The following WWP1 variants were observed in gnomAD, a reference collection of about 807,000 sequenced individuals.
WWP1 encodes WW domain containing E3 ubiquitin protein ligase 1.
In WWP1, 49 loss-of-function variants were observed where a neutral mutation model predicts 130.6. That is an observed-to-expected ratio of 0.38 (90% CI 0.30 to 0.48). The LOEUF is 0.48. Ranked by LOEUF, WWP1 falls within the 20% of genes least tolerant of loss-of-function variation. The pLI is 0.99. For missense variants in WWP1, 809 were observed against 1,100.6 expected (o/e 0.74, Z 3.75); for synonymous variants, 332 against 367.8 (o/e 0.90, Z 1.11).
At chr8:86,390,936 A>G (rs535620532) in intron 5 of WWP1, among the ~76,000 whole-genome samples, 1 of 152,036 alleles carries the variant, frequency 6.6e-6, no homozygotes, top group African/African-American at 2.4e-5. Flanking sequence ...ATGGTTTTTC[A>G]TCTATCTTTT....
intron 9 of WWP1, among the ~76,000 whole-genome samples, chr8:86,419,170 A>C (rs1809056603): frequency 6.6e-6 from 1 of 152,236 alleles, no homozygotes; most frequent in Non-Finnish European, 1.5e-5. Flanking sequence ...CTGTAATCCC[A>C]GCACTTTGGG....
intron 1 of WWP1, among the ~76,000 whole-genome samples, chr8:86,353,527 C>CT (rs755876815): frequency 2.0e-5 from 3 of 151,908 alleles, no homozygotes; most frequent in Non-Finnish European, 4.4e-5. Context: ...GAGTCTCACT[C>CT]TGTTGCCCAG....
rs1273842780 is a variant in WWP1, at chr8:86,442,656, C to T, written c.1876C>T (p.Pro626Ser). ...CTTGCTTTCACATGAAGTTTTGAAC[C>T]CAATGTATTGCTTATTTGAGTATGC... ...FFLLSHEVLN[P>S]MYCLFEYAGK... Residue 626 changes from proline to serine, a missense_variant, in exon 18 of 25, where the codon CCA (proline) becomes TCA (serine). Coordinates refer to ENST00000517970, the MANE Select transcript of WWP1 (RefSeq NM_007013.4). 6.2e-7 allele frequency: 1 copy of T among 1,606,040 alleles called. No homozygotes were observed. Among genetic ancestry groups the T allele is most frequent in the Non-Finnish European group, 8.5e-7 (1 of 1,176,930 alleles).
At chr8:86,442,000 A>G (rs1434841265) in intron 17 of WWP1, among the ~76,000 whole-genome samples, 1 of 152,184 alleles carries the variant, frequency 6.6e-6, no homozygotes, top group African/African-American at 2.4e-5. Context: ...ACATTTAAAG[A>G]TTTAACCTTT....
At chr8:86,411,465 G>A (rs1808580220) in intron 8 of WWP1, 73 bp from the exon 9 acceptor site, 13 of 1,333,368 alleles carry the variant, frequency 9.7e-6, no homozygotes, top group Middle Eastern at 4.0e-4. Flanking sequence ...CTGAATAAGT[G>A]TAGTCAATTG....
intron 18 of WWP1, among the ~76,000 whole-genome samples, chr8:86,445,984 T>TC (rs1563540965): frequency 2.2e-5 from 3 of 133,756 alleles, no homozygotes; most frequent in Non-Finnish European, 3.2e-5. Flanking sequence ...TTCTTTTTTT[T>TC]TTTTTTTTTT....
Position 86,402,208 on chromosome 8 carries a change from G to A in WWP1, c.724+5G>A, listed in dbSNP as rs1457556429. Reference sequence around the variant, plus strand: ...CTGAGCCTGCCGATGACACTGGTAAGCAAGGCTATTTATGACACCTTGTTT... The same window carrying A: ...CTGAGCCTGCCGATGACACTGGTAAACAAGGCTATTTATGACACCTTGTTT... On this transcript the variant is annotated splice_donor_5th_base_variant and intron_variant, in intron 8 of 24. Coordinates refer to ENST00000517970, the MANE Select transcript of WWP1 (RefSeq NM_007013.4). 5 of 1,612,344 alleles carry A rather than the reference G, an allele frequency of 3.1e-6. No homozygotes were observed. The highest frequency in any genetic ancestry group is 4.2e-6 in the Non-Finnish European group (5 of 1,179,250).
chr8:86,446,915 T>C (rs1046457755), intron 18 of WWP1, among the ~76,000 whole-genome samples: 4 of 152,204 alleles, frequency 2.6e-5, no homozygotes, highest in Admixed American at 6.5e-5. Context: ...TGAGCAGATA[T>C]AGTAGAACAC....
At chr8:86,440,675 T>C (rs1392909323) in intron 17 of WWP1, 1 of 455,234 alleles carries the variant, frequency 2.2e-6, no homozygotes, top group African/African-American at 2.0e-5. Flanking sequence ...TTCTATTATG[T>C]CTTTGAATAT....
chr8:86,403,655 A>C (rs1330075331), intron 8 of WWP1, among the ~76,000 whole-genome samples: 1 of 152,130 alleles, frequency 6.6e-6, no homozygotes, highest in Non-Finnish European at 1.5e-5. Context: ...ATGTTTACCA[A>C]GAGCTGTCTG....
At chr8:86,347,993 T>C (rs1822685192) in intron 1 of WWP1, among the ~76,000 whole-genome samples, 1 of 152,186 alleles carries the variant, frequency 6.6e-6, no homozygotes, top group Non-Finnish European at 1.5e-5. Flanking sequence ...TATCATGATA[T>C]TTTATTATTT....
At chr8:86,435,742 T>A in intron 16 of WWP1, 38 bp downstream of exon 16, 1 of 1,588,042 alleles carries the variant, frequency 6.3e-7, no homozygotes, top group East Asian at 2.2e-5. Flanking sequence ...ACCATTTGTC[T>A]CATTGTATTC....
chr8:86,402,493 T>C (rs1808049386), intron 8 of WWP1, among the ~76,000 whole-genome samples: 1 of 152,206 alleles, frequency 6.6e-6, no homozygotes, highest in South Asian at 2.1e-4. Flanking sequence ...TTTCACTTTT[T>C]TGGCAACTGG....
intron 1 of WWP1, among the ~76,000 whole-genome samples, chr8:86,355,723 T>TAAA (rs1823215376): frequency 6.6e-6 from 1 of 152,218 alleles, no homozygotes; most frequent in South Asian, 2.1e-4. Flanking sequence ...CGATTAATTG[T>TAAA]TCTTTCTCTT....
At chr8:86,456,087 C>T (rs930866078) in intron 21 of WWP1, among the ~76,000 whole-genome samples, 1 of 151,920 alleles carries the variant, frequency 6.6e-6, no homozygotes, top group Admixed American at 6.6e-5. Context: ...AAGCCTACCT[C>T]AGTCCATATT....
intron 4 of WWP1, 70 bp downstream of exon 4, chr8:86,380,934 T>A (rs1385707136): frequency 6.9e-7 from 1 of 1,439,666 alleles, no homozygotes; most frequent in African/African-American, 1.5e-5. Flanking sequence ...GTTTTTTGTT[T>A]TGTAAAATGA....
chr8:86,348,299 G>C (rs1027083512), intron 1 of WWP1, among the ~76,000 whole-genome samples: 1 of 151,860 alleles, frequency 6.6e-6, no homozygotes, highest in Non-Finnish European at 1.5e-5. Context: ...GCTCACTGCA[G>C]CTTCCGCCTC....
chr8:86,435,213 A>G (rs1305804995), intron 14 of WWP1, among the ~76,000 whole-genome samples: 1 of 152,130 alleles, frequency 6.6e-6, no homozygotes, highest in Admixed American at 6.5e-5. Context: ...CATTTAACTC[A>G]CTAACAAAAG....
chr8:86,442,914 G>T, intron 18 of WWP1, 136 bp downstream of exon 18: 1 of 865,044 alleles, frequency 1.2e-6, no homozygotes, highest in Non-Finnish European at 1.6e-6. Context: ...TCCCTGGAGA[G>T]TGTAAAAATA....
Sources: allele counts gnomAD v4.1 joint callset (sites outside exome capture counted in the v4.1 genomes callset), GRCh38; gene constraint gnomAD v4.1.1; transcripts MANE v1.5; gene names NCBI Gene and HGNC (gene_info 2026-07-23, HGNC 2026-07-21).